The following TBC1D32 variants were observed in gnomAD, a reference collection of about 807,000 sequenced individuals.
TBC1D32 encodes TBC1 domain family member 32.
TBC1D32 carries 151 observed loss-of-function variants against 170.3 expected under a neutral mutation model. The ratio of observed to expected loss-of-function variants is 0.89; its 90% CI spans 0.78 to 1.01. The LOEUF is 1.01. Ranked by LOEUF, TBC1D32 falls within the 50% of genes least tolerant of loss-of-function variation. The pLI, the probability that TBC1D32 is intolerant of heterozygous loss-of-function variation, is 0.00. For missense variants in TBC1D32, 1,464 were observed against 1,457.1 expected (o/e 1.00, Z -0.08); for synonymous variants, 498 against 488.0 (o/e 1.02, Z -0.27).
chr6:121,161,132 T>C (rs1374510942), intron 22 of TBC1D32, 76 bp from the exon 23 acceptor site: 10 of 1,151,494 alleles, frequency 8.7e-6, no homozygotes, highest in Non-Finnish European at 1.1e-5. Flanking sequence ...GTCTCTGGAT[T>C]GTAAAGAAAA....
Position 121,279,207 on chromosome 6 carries a change from T to C in TBC1D32, c.1647A>G (p.Ile549Met). The change falls in exon 15 of 32, where the codon ATA becomes ATG. Residue 549 changes from isoleucine to methionine, a missense_variant. Transcript: ENST00000398212. ...PNCSETALIH[I>M]AGILARIASV... is the part of the protein sequence containing the mutation. ...ATGCAATTCTTGCCAAAATACCAGC[T>C]ATATGAATTAAAGCTGTCTCAGAGC... The C allele has an allele frequency of 6.2e-7, 1 of 1,611,486 alleles. No individual in the cohort carries two copies. Among genetic ancestry groups the C allele is most frequent in the Non-Finnish European group, 8.5e-7 (1 of 1,178,868 alleles).
At chr6:121,172,304 T>C (rs944261782) in intron 22 of TBC1D32, among the ~76,000 whole-genome samples, 7 of 152,108 alleles carry the variant, frequency 4.6e-5, no homozygotes, top group African/African-American at 1.7e-4. Flanking sequence ...TACCTTTAAG[T>C]CAACAGGCTA....
chr6:121,101,213 G>C (rs910639050), intron 30 of TBC1D32, among the ~76,000 whole-genome samples: 1 of 152,070 alleles, frequency 6.6e-6, no homozygotes, highest in Non-Finnish European at 1.5e-5. Flanking sequence ...TAGAAAAAGA[G>C]GGAATCCTCC....
chr6:121,190,106 AC>A (rs1789770128), intron 22 of TBC1D32, among the ~76,000 whole-genome samples: 1 of 145,306 alleles, frequency 6.9e-6, no homozygotes, highest in Non-Finnish European at 1.5e-5. Context: ...ACACACACAC[AC>A]ACACACACAC....
At chr6:121,104,412 A>G (rs1388170055) in intron 30 of TBC1D32, among the ~76,000 whole-genome samples, 5 of 151,756 alleles carry the variant, frequency 3.3e-5, no homozygotes, top group African/African-American at 9.7e-5. Context: ...CTGATGTAGA[A>G]TAATTCTCTC....
At chr6:121,198,130 A>C (rs1790998957) in intron 22 of TBC1D32, among the ~76,000 whole-genome samples, 1 of 147,868 alleles carries the variant, frequency 6.8e-6, no homozygotes, top group Non-Finnish European at 1.5e-5. Context: ...CAGGTAAGTT[A>C]ATACTTAATA....
chr6:121,213,466 TAATAA>T (rs1554271835), intron 21 of TBC1D32, among the ~76,000 whole-genome samples: 499 of 24,666 alleles, frequency 0.02, 10 homozygotes, highest in African/African-American at 0.046. Flanking sequence ...ACAAAAATAA[TAATAA>T]AATAAAATAA....
intron 12 of TBC1D32, among the ~76,000 whole-genome samples, chr6:121,287,747 T>G (rs932241495): frequency 1.3e-5 from 2 of 152,172 alleles, no homozygotes; most frequent in Non-Finnish European, 2.9e-5. Context: ...ACCACATAGT[T>G]GGAAGTAAAG....
At chr6:121,258,649 AT>A (rs1193318222) in intron 15 of TBC1D32, among the ~76,000 whole-genome samples, 1 of 152,180 alleles carries the variant, frequency 6.6e-6, no homozygotes, top group Non-Finnish European at 1.5e-5. Context: ...ATAAACAAAT[AT>A]GATCATTCAT....
rs764299507 is a variant in TBC1D32, at chr6:121,292,212, A to G, written c.1232-19T>C. The G allele has an allele frequency of 6.4e-7, 1 of 1,569,704 alleles. No individual in the cohort carries two copies. Among genetic ancestry groups the G allele is most frequent in the Non-Finnish European group, 8.7e-7 (1 of 1,154,104 alleles). On this transcript the variant is annotated intron_variant, in intron 11 of 31. Transcript: ENST00000398212. Reference sequence around the variant, plus strand: ...TTGTTTCCTTAAAAGAGAAGCAAACACGAATATTTATTTAGTATCATTATA... The same window carrying G: ...TTGTTTCCTTAAAAGAGAAGCAAACGCGAATATTTATTTAGTATCATTATA...
chr6:121,084,036 A>C (rs1246421767), intron 31 of TBC1D32, among the ~76,000 whole-genome samples: 3 of 151,838 alleles, frequency 2.0e-5, no homozygotes, highest in Non-Finnish European at 4.4e-5. Context: ...CTATTTAAGG[A>C]GGCTTTTGCC....
At chr6:121,138,253 T>C (rs900201620) in intron 24 of TBC1D32, among the ~76,000 whole-genome samples, 2 of 152,172 alleles carry the variant, frequency 1.3e-5, no homozygotes, top group Non-Finnish European at 2.9e-5. Context: ...ATATCTTACA[T>C]AGATTATTCC....
intron 22 of TBC1D32, among the ~76,000 whole-genome samples, chr6:121,161,973 T>C (rs1785736409): frequency 6.6e-6 from 1 of 152,242 alleles, no homozygotes; most frequent in Non-Finnish European, 1.5e-5. Context: ...TGGCCACATG[T>C]ATGTCTTCTT....
At chr6:121,111,311 C>A (rs950237215) in intron 29 of TBC1D32, among the ~76,000 whole-genome samples, 14 of 152,112 alleles carry the variant, frequency 9.2e-5, no homozygotes, top group African/African-American at 3.1e-4. Context: ...GTGTCATAAT[C>A]TGAACACTAA....
chr6:121,256,434 G>A (rs911675911), intron 15 of TBC1D32, 149 bp from the exon 16 acceptor site: 1 of 640,048 alleles, frequency 1.6e-6, no homozygotes, highest in African/African-American at 1.8e-5. Context: ...CCCATGCACA[G>A]ATGTCTAGTA....
At chr6:121,300,475 T>C (rs1415294949) in intron 9 of TBC1D32, among the ~76,000 whole-genome samples, 1 of 151,848 alleles carries the variant, frequency 6.6e-6, no homozygotes, top group East Asian at 1.9e-4. Flanking sequence ...TTGACAAACC[T>C]AACAAAAACA....
At chr6:121,258,780 A>T (rs931084718) in intron 15 of TBC1D32, among the ~76,000 whole-genome samples, 5 of 152,180 alleles carry the variant, frequency 3.3e-5, no homozygotes, top group Admixed American at 2.0e-4. Context: ...CCTTTTATAG[A>T]CAGCTCAGTG....
intron 26 of TBC1D32, among the ~76,000 whole-genome samples, chr6:121,124,246 T>C (rs146411488): frequency 6.6e-6 from 1 of 152,258 alleles, no homozygotes; most frequent in Non-Finnish European, 1.5e-5. Context: ...CATTTGTTTG[T>C]CTGGGAAAGT....
chr6:121,223,782 T>A (rs1372558207), intron 20 of TBC1D32, among the ~76,000 whole-genome samples: 1 of 152,184 alleles, frequency 6.6e-6, no homozygotes, highest in Admixed American at 6.5e-5. Flanking sequence ...ATCTTTTAAC[T>A]ACATTCACTG....
Sources: gnomAD v4.1 joint callset for allele counts (sites outside exome capture counted in the v4.1 genomes callset) on GRCh38, gnomAD v4.1.1 for gene constraint, MANE v1.5 for transcripts, NCBI Gene and HGNC (gene_info 2026-07-23, HGNC 2026-07-21) for gene names.